The following ASH1L variants were observed in gnomAD, a reference collection of about 807,000 sequenced individuals.
The protein encoded by ASH1L is ASH1 like histone lysine methyltransferase, also known as histone-lysine N-methyltransferase ASH1L.
A neutral mutation model predicts 269.0 loss-of-function variants in ASH1L; 23 were observed. The observed-to-expected ratio is 0.09, with a 90% CI of 0.06 to 0.12. The LOEUF is 0.12. ASH1L is among the 10% of genes least tolerant of loss of function. The probability of loss-of-function intolerance (pLI) is 1.00; values close to 1 mark genes in which losing one functional copy is unlikely to be tolerated. For missense variants in ASH1L, 2,912 were observed against 3,567.8 expected (o/e 0.82, Z 4.68); for synonymous variants, 1,187 against 1,253.5 (o/e 0.95, Z 1.12).
intron 4 of ASH1L, among the ~76,000 whole-genome samples, chr1:155,452,134 G>A (rs1443393895): frequency 6.6e-6 from 1 of 151,732 alleles, no homozygotes; most frequent in Non-Finnish European, 1.5e-5. Context: ...CACCTCCTGG[G>A]TTCAAGCGAT....
intron 4 of ASH1L, among the ~76,000 whole-genome samples, chr1:155,441,922 T>C (rs1425258022): frequency 1.3e-5 from 2 of 151,924 alleles, no homozygotes; most frequent in African/African-American, 4.8e-5. Flanking sequence ...TGCACCAACA[T>C]GCCCAGCTAC....
At position 155,337,530 on chromosome 1, in the gene ASH1L, G is replaced by A. The variant is rs1297002822; in HGVS notation, c.*130C>T. 10 of 728,642 alleles carry A rather than the reference G, an allele frequency of 1.4e-5. No individual in the cohort carries two copies. The highest frequency in any genetic ancestry group is 2.4e-5 in the Non-Finnish European group (10 of 412,284). 45.1% of individuals were successfully genotyped at this position (728,642 alleles called of 1,614,324 possible). A position where few individuals can be genotyped will look rare whatever the true frequency, so the allele number is the denominator to read the frequency against. On this transcript the variant is annotated 3_prime_UTR_variant, in exon 28 of 28. Coordinates refer to ENST00000392403, the MANE Select transcript of ASH1L (RefSeq NM_018489.3). ...CTCCAAGGCTTATTAAGTACCTAATGTCAACAACATGGCCCCATTCCCCTT... is the reference window on the plus strand; with the variant it reads ...CTCCAAGGCTTATTAAGTACCTAATATCAACAACATGGCCCCATTCCCCTT...
At chr1:155,504,315 C>T (rs1378212779) in intron 2 of ASH1L, among the ~76,000 whole-genome samples, 2 of 151,990 alleles carry the variant, frequency 1.3e-5, no homozygotes, top group Non-Finnish European at 2.9e-5. Context: ...CCAGTTGTAC[C>T]CTGAATCCCC....
At chr1:155,504,906 T>G (rs1040008151) in intron 2 of ASH1L, among the ~76,000 whole-genome samples, 1 of 150,084 alleles carries the variant, frequency 6.7e-6, no homozygotes, top group Non-Finnish European at 1.5e-5. Context: ...ACAGGGCCCC[T>G]ACTTACCAAA....
chr1:155,470,172 C>T (rs1664991129), intron 3 of ASH1L, among the ~76,000 whole-genome samples: 1 of 152,106 alleles, frequency 6.6e-6, no homozygotes, highest in South Asian at 2.1e-4. Context: ...TATTAAGAAC[C>T]GTCAGGCTGT....
chr1:155,480,417 T>C lies in ASH1L; in HGVS notation c.2453A>G (p.Asp818Gly). 6.2e-7 allele frequency: 1 copy of C among 1,614,066 alleles called. No individual in the cohort carries two copies. Among genetic ancestry groups the C allele is most frequent in the Non-Finnish European group, 8.5e-7 (1 of 1,179,970 alleles). The change falls in exon 3 of 28, where the codon GAC (aspartate) becomes GGC (glycine). Residue 818 changes from aspartate (D) to glycine (G), a missense_variant. Physicochemically the swap from Asp to Gly is moderately conservative, Grantham distance 94. Transcript: ENST00000392403. ...KLSSSMCVSS[D>G]LLSDIYKPKR... ...GGGCTTATAAATATCAGACAAAAGGTCACTAGAGACACACATACTGGAGGA... is the reference window on the plus strand; with the variant it reads ...GGGCTTATAAATATCAGACAAAAGGCCACTAGAGACACACATACTGGAGGA...
In ASH1L at chr1:155,477,475, T is replaced by C. The variant is rs996384945; in HGVS notation, c.4984+411A>G. Among the ~76,000 whole-genome samples, 9 of 145,800 alleles carry C rather than the reference T, an allele frequency of 6.2e-5. No homozygotes were observed. The Admixed American group carries it at 6.2e-4, about 10-fold the overall frequency. On this transcript the variant is annotated intron_variant, in intron 3 of 27. Transcript: ENST00000392403. The stretch of plus-strand genomic sequence containing the variant: ...GATGCATTTATAACTACTGGATTAA[T>C]ATACATTAAAAATCCTTCCAGCATT...
At chr1:155,500,816 A>C (rs1667451238) in intron 2 of ASH1L, among the ~76,000 whole-genome samples, 1 of 152,130 alleles carries the variant, frequency 6.6e-6, no homozygotes, top group Non-Finnish European at 1.5e-5. Flanking sequence ...TAAAAATACA[A>C]AATTAGCCGA....
chr1:155,483,007 A>G (rs749182122), intron 2 of ASH1L, among the ~76,000 whole-genome samples: 5 of 152,170 alleles, frequency 3.3e-5, no homozygotes, highest in Non-Finnish European at 4.4e-5. Context: ...TAGGAAAGAC[A>G]ATTTAAAAAT....
At chr1:155,436,491 CTTT>C (rs60270333) in intron 5 of ASH1L, among the ~76,000 whole-genome samples, 8 of 80,560 alleles carry the variant, frequency 9.9e-5, no homozygotes, top group South Asian at 9.5e-4. Context: ...CATGCGTGGA[CTTT>C]TTTTTTTTTT....
chr1:155,448,234 T>G (rs961866126), intron 4 of ASH1L, among the ~76,000 whole-genome samples: 2 of 152,230 alleles, frequency 1.3e-5, no homozygotes, highest in Non-Finnish European at 2.9e-5. Context: ...TACCATGCTG[T>G]TTTGGTTATC....
At chr1:155,450,525 A>C (rs906783393) in intron 4 of ASH1L, among the ~76,000 whole-genome samples, 1 of 152,196 alleles carries the variant, frequency 6.6e-6, no homozygotes, top group African/African-American at 2.4e-5. Flanking sequence ...ATAACTATTA[A>C]GTGTTTGGAT....
intron 5 of ASH1L, among the ~76,000 whole-genome samples, chr1:155,422,053 C>T (rs1660727375): frequency 6.6e-6 from 1 of 152,270 alleles, no homozygotes; most frequent in South Asian, 2.1e-4. Context: ...CAATATTCTA[C>T]TTTCCGCCTG....
chr1:155,350,960 G>A (rs1360000312), intron 17 of ASH1L, among the ~76,000 whole-genome samples: 3 of 150,106 alleles, frequency 2.0e-5, no homozygotes, highest in Non-Finnish European at 3.0e-5. Flanking sequence ...AAAAAAGACC[G>A]GGCGCGATGG....
At position 155,562,728 on chromosome 1, in the gene ASH1L, C is replaced by CGGG; in HGVS notation, c.-676_-675insCCC. On this transcript the variant is annotated 5_prime_UTR_variant, in exon 1 of 28. Transcript: ENST00000392403. ...AGGAACCCCCTCGTCCAGTCCCTCA[C>CGGG]TACCCCTCAGGCCCTGTCAAGCCGG... The CGGG allele has an allele frequency of 7.3e-7, 1 of 1,375,874 alleles. No individual in the cohort carries two copies. Among genetic ancestry groups the CGGG allele is most frequent in the Admixed American group, 2.0e-5 (1 of 50,028 alleles). 85.2% of individuals were successfully genotyped at this position (1,375,874 alleles called of 1,614,324 possible).
At chr1:155,549,845 G>C (rs933304000) in intron 1 of ASH1L, among the ~76,000 whole-genome samples, 2 of 151,850 alleles carry the variant, frequency 1.3e-5, no homozygotes, top group African/African-American at 2.4e-5. Context: ...CCTCATCAAA[G>C]AAAAAAGCAT....
chr1:155,387,523 T>A (rs753743929), intron 7 of ASH1L, among the ~76,000 whole-genome samples: 3 of 152,248 alleles, frequency 2.0e-5, no homozygotes, highest in Non-Finnish European at 4.4e-5. Context: ...CCATGCTGTT[T>A]TGATTACTGT....
intron 12 of ASH1L, among the ~76,000 whole-genome samples, chr1:155,366,264 C>G (rs1312514759): frequency 6.6e-6 from 1 of 152,200 alleles, no homozygotes; most frequent in Non-Finnish European, 1.5e-5. Flanking sequence ...TTAACAAACA[C>G]TATGGCAACG....
intron 19 of ASH1L, among the ~76,000 whole-genome samples, chr1:155,348,911 TACACACACAC>T (rs59676231): frequency 7.8e-5 from 11 of 140,406 alleles, no homozygotes; most frequent in African/African-American, 1.6e-4. Context: ...TATATATATA[TACACACACAC>T]ACACACACAC....
Sources: allele counts gnomAD v4.1 joint callset (sites outside exome capture counted in the v4.1 genomes callset), GRCh38; gene constraint gnomAD v4.1.1; transcripts MANE v1.5; gene names NCBI Gene and HGNC (gene_info 2026-07-23, HGNC 2026-07-21).